CAMTA1: variants seen among roughly 807,000 people sequenced by gnomAD.
The protein encoded by CAMTA1 is calmodulin binding transcription activator 1.
A neutral mutation model predicts 170.9 loss-of-function variants in CAMTA1; 27 were observed. The observed-to-expected ratio is 0.16, with a 90% CI of 0.12 to 0.22. The LOEUF (loss-of-function observed/expected upper bound fraction) is 0.22, where lower values mean the gene tolerates loss of function less well. Ranked by LOEUF, CAMTA1 falls within the 10% of genes least tolerant of loss-of-function variation. CAMTA1 has a pLI of 1.00. For missense variants in CAMTA1, 1,619 were observed against 2,217.2 expected (o/e 0.73, Z 5.42); for synonymous variants, 833 against 891.5 (o/e 0.93, Z 1.17).
intron 16 of CAMTA1, among the ~76,000 whole-genome samples, chr1:7,740,187 A>C (rs958197788): frequency 1.3e-5 from 2 of 152,236 alleles, no homozygotes; most frequent in Non-Finnish European, 2.9e-5. Flanking sequence ...ATAATGTTTT[A>C]GACAAGAGTC....
At chr1:7,137,996 T>A (rs1645640755) in intron 4 of CAMTA1, among the ~76,000 whole-genome samples, 2 of 152,214 alleles carry the variant, frequency 1.3e-5, no homozygotes, top group African/African-American at 4.8e-5. Context: ...ATTTATTTAT[T>A]TTTTTGAGAG....
chr1:6,811,038 T>G (rs929960967), intron 1 of CAMTA1, among the ~76,000 whole-genome samples: 3 of 152,220 alleles, frequency 2.0e-5, no homozygotes, highest in Non-Finnish European at 4.4e-5. Flanking sequence ...GGAGGCCTTC[T>G]GTGCCCTTTG....
chr1:7,704,663 T>C (rs1489466324), intron 11 of CAMTA1, among the ~76,000 whole-genome samples: 2 of 146,954 alleles, frequency 1.4e-5, no homozygotes, highest in Admixed American at 6.7e-5. Flanking sequence ...CGGGGTCTGG[T>C]CCGGTGAGCT....
In CAMTA1 at chr1:7,565,036, G is replaced by A. The variant is rs1000481671; in HGVS notation, c.511-75364G>A. Among the ~76,000 whole-genome samples, 6 of 151,952 alleles carry A rather than the reference G, an allele frequency of 3.9e-5. No homozygotes were observed. Among genetic ancestry groups the A allele is most frequent in the African/African-American group, 1.5e-4 (6 of 41,362 alleles). ...AGATCAAGGTGGATGGGGGGTGGGA[G>A]CAGAAGGGCAAGGCCCCTCAGGGAG... On this transcript the variant is annotated intron_variant, in intron 6 of 22. Coordinates refer to ENST00000303635, the MANE Select transcript of CAMTA1 (RefSeq NM_015215.4). The surrounding 1 kb of genome is among the most constrained non-coding windows in gnomAD (Gnocchi z 4.5).
At chr1:7,678,045 A>C (rs2096140909) in intron 11 of CAMTA1, among the ~76,000 whole-genome samples, 1 of 152,122 alleles carries the variant, frequency 6.6e-6, no homozygotes, top group Non-Finnish European at 1.5e-5. Context: ...AGCCCAGGGC[A>C]GCTAAGAGGC....
chr1:6,888,027 G>C, intron 3 of CAMTA1: 2 of 1,126,852 alleles, frequency 1.8e-6, no homozygotes, highest in African/African-American at 1.6e-5. Context: ...TCAGCAAGCT[G>C]CCTTTTTCTT....
intron 6 of CAMTA1, among the ~76,000 whole-genome samples, chr1:7,627,949 GGAAA>G (rs1247916474): frequency 6.6e-6 from 1 of 152,182 alleles, no homozygotes; most frequent in Non-Finnish European, 1.5e-5. Flanking sequence ...ATTGTGTGGT[GGAAA>G]GAGTGACCGG....
chr1:7,603,919 T>C (rs997613752), intron 6 of CAMTA1, among the ~76,000 whole-genome samples: 10 of 152,178 alleles, frequency 6.6e-5, no homozygotes, highest in Non-Finnish European at 1.3e-4. Context: ...CTGTAAAGTA[T>C]TTTATTTCTC....
intron 4 of CAMTA1, among the ~76,000 whole-genome samples, chr1:7,214,428 G>A (rs1490339433): frequency 6.6e-6 from 1 of 151,936 alleles, no homozygotes; most frequent in Non-Finnish European, 1.5e-5. Context: ...GTGCAGTGGT[G>A]CAATCTCAGC....
intron 4 of CAMTA1, among the ~76,000 whole-genome samples, chr1:7,126,436 A>G (rs992343417): frequency 1.2e-4 from 19 of 152,242 alleles, no homozygotes; most frequent in Non-Finnish European, 2.1e-4. Context: ...CAAAAGATTA[A>G]ATAATGGATT....
chr1:6,912,003 C>T (rs908327452), intron 3 of CAMTA1, among the ~76,000 whole-genome samples: 2 of 152,200 alleles, frequency 1.3e-5, no homozygotes, highest in African/African-American at 4.8e-5. Context: ...CTTTCCCTCC[C>T]CTTCCCTCTC....
intron 4 of CAMTA1, among the ~76,000 whole-genome samples, chr1:7,206,891 G>A (rs1050515454): frequency 6.6e-6 from 1 of 152,120 alleles, no homozygotes; most frequent in Non-Finnish European, 1.5e-5. Flanking sequence ...CCCAAATGCT[G>A]CTTCCCACAT....
chr1:6,812,154 A>G (rs1311855943), intron 1 of CAMTA1, among the ~76,000 whole-genome samples: 3 of 152,028 alleles, frequency 2.0e-5, no homozygotes, highest in African/African-American at 4.8e-5. Flanking sequence ...TTCTGCCCGC[A>G]TTTTTGCATT....
At chr1:7,713,023 T>C (rs556902125) in intron 11 of CAMTA1, among the ~76,000 whole-genome samples, 15 of 152,278 alleles carry the variant, frequency 9.9e-5, no homozygotes, top group African/African-American at 3.1e-4. Context: ...GGAGCTACCA[T>C]TCAAGATGAG....
chr1:6,979,765 G>A (rs1044397946), intron 3 of CAMTA1, among the ~76,000 whole-genome samples: 1 of 151,994 alleles, frequency 6.6e-6, no homozygotes, highest in Non-Finnish European at 1.5e-5. Context: ...GACCCCCAGT[G>A]CTTGGGACAC....
At chr1:7,294,306 G>A (rs1338944304) in intron 5 of CAMTA1, among the ~76,000 whole-genome samples, 1 of 152,182 alleles carries the variant, frequency 6.6e-6, no homozygotes, top group African/African-American at 2.4e-5. Context: ...TGGATGGTGA[G>A]CTTCTCCCTG....
At chr1:7,135,110 A>C (rs1459133581) in intron 4 of CAMTA1, among the ~76,000 whole-genome samples, 1 of 152,160 alleles carries the variant, frequency 6.6e-6, no homozygotes. Context: ...AATAAGGCCA[A>C]GTGCAGTGGC....
Position 7,479,544 on chromosome 1 carries a change from C to T in CAMTA1, c.510+11643C>T, listed in dbSNP as rs76056340. ...TAACAGAGCTGTCCTCTCACTCCACCTGGCTGCTGGGAGAAGGCAGCCATG... is the reference window on the plus strand; with the variant it reads ...TAACAGAGCTGTCCTCTCACTCCACTTGGCTGCTGGGAGAAGGCAGCCATG... On this transcript the variant is annotated intron_variant, in intron 6 of 22. Transcript: ENST00000303635. Among the ~76,000 whole-genome samples, 953 of 152,322 alleles carry T rather than the reference C, an allele frequency of 6.3e-3. 12 individuals are homozygous for T. Among genetic ancestry groups the T allele is most frequent in the African/African-American group, 0.021 (887 of 41,550 alleles).
intron 4 of CAMTA1, among the ~76,000 whole-genome samples, chr1:7,124,481 T>C (rs977254406): frequency 1.3e-5 from 2 of 152,260 alleles, no homozygotes; most frequent in African/African-American, 4.8e-5. Context: ...AGGAATGTCA[T>C]GCGCCATGTG....
Sources: gnomAD v4.1 joint callset for allele counts (sites outside exome capture counted in the v4.1 genomes callset) on GRCh38, gnomAD v4.1.1 for gene constraint, Gnocchi (gnomAD v3.1) non-coding constraint, MANE v1.5 for transcripts, NCBI Gene and HGNC (gene_info 2026-07-23, HGNC 2026-07-21) for gene names.